The following TRIM2 variants were observed in gnomAD, a reference collection of about 807,000 sequenced individuals.
The protein encoded by TRIM2 is tripartite motif containing 2, also known as tripartite motif-containing protein 2.
TRIM2 carries 20 observed loss-of-function variants against 75.2 expected under a neutral mutation model. The observed-to-expected ratio is 0.27, with a 90% CI of 0.19 to 0.39. The LOEUF (loss-of-function observed/expected upper bound fraction) is 0.39. Among genes scored for constraint, TRIM2 ranks in the 10% least tolerant of loss-of-function variants. The probability of loss-of-function intolerance (pLI) is 1.00; values close to 1 mark genes in which losing one functional copy is unlikely to be tolerated. For missense variants in TRIM2, 660 were observed against 990.8 expected (o/e 0.67, Z 4.48); for synonymous variants, 373 against 388.3 (o/e 0.96, Z 0.46).
At chr4:153,333,740 A>G (rs1771997940) in intron 11 of TRIM2, among the ~76,000 whole-genome samples, 1 of 152,204 alleles carries the variant, frequency 6.6e-6, no homozygotes, top group Non-Finnish European at 1.5e-5. Context: ...GTTAAATACA[A>G]TGATTAAAAA....
intron 6 of TRIM2, among the ~76,000 whole-genome samples, chr4:153,297,566 T>C (rs1212889404): frequency 6.6e-6 from 1 of 152,220 alleles, no homozygotes; most frequent in African/African-American, 2.4e-5. Context: ...TTATCCCTAC[T>C]ACCTTTTCTT....
intron 1 of TRIM2, chr4:153,257,648 A>G (rs72965078): frequency 0.012 from 14,845 of 1,226,802 alleles, 214 homozygotes; most frequent in African/African-American, 0.07. Flanking sequence ...GTGCTTCCCA[A>G]CTTGAAGTGT....
At chr4:153,195,187 A>C (rs1366826425) in intron 1 of TRIM2, among the ~76,000 whole-genome samples, 1 of 152,202 alleles carries the variant, frequency 6.6e-6, no homozygotes, top group Non-Finnish European at 1.5e-5. Flanking sequence ...GTGAAGACAG[A>C]GACAGAGACG....
chr4:153,296,687 G>A (rs1310585911), intron 6 of TRIM2, among the ~76,000 whole-genome samples: 1 of 152,224 alleles, frequency 6.6e-6, no homozygotes, highest in East Asian at 1.9e-4. Context: ...AGTTAGGAAT[G>A]CAAATAGCCC....
chr4:153,275,680 T>C (rs1191827883), intron 2 of TRIM2, among the ~76,000 whole-genome samples: 1 of 152,218 alleles, frequency 6.6e-6, no homozygotes, highest in Non-Finnish European at 1.5e-5. Flanking sequence ...CAAAAGTCAA[T>C]GACATTTTTT....
chr4:153,308,398 T>G lies in TRIM2; in HGVS notation c.1511-7087T>G, dbSNP rs541648661. On this transcript the variant is annotated intron_variant, in intron 6 of 11. Coordinates refer to ENST00000338700, the MANE Select transcript of TRIM2 (RefSeq NM_015271.5). ...ATCTCAATGAGGGAGTCCTTGTTGG[T>G]TCCCAGCCCCTTCATGGAAGATTTT... 5 of 885,104 alleles carry G rather than the reference T, an allele frequency of 5.6e-6. No homozygotes were observed. In the African/African-American group the frequency reaches 6.6e-5, roughly 12 times the overall value. The allele number at this position is 885,104 out of a possible 1,614,324, so 54.8% of individuals were successfully genotyped here.
chr4:153,207,282 T>A (rs1365415064), intron 1 of TRIM2, among the ~76,000 whole-genome samples: 1 of 152,148 alleles, frequency 6.6e-6, no homozygotes, highest in African/African-American at 2.4e-5. Context: ...GCCTATGCGG[T>A]GCGGTGGCCG....
chr4:153,236,157 C>T (rs1279135227), intron 1 of TRIM2, among the ~76,000 whole-genome samples: 1 of 152,066 alleles, frequency 6.6e-6, no homozygotes, highest in Admixed American at 6.5e-5. Flanking sequence ...TGTAAGTTTA[C>T]TGAGGCCTTC....
chr4:153,246,629 G>A (rs1749226446), intron 1 of TRIM2, among the ~76,000 whole-genome samples: 1 of 152,202 alleles, frequency 6.6e-6, no homozygotes, highest in African/African-American at 2.4e-5. Flanking sequence ...TTAAAAATCT[G>A]TTGAATGAAG....
At chr4:153,153,258 C>A (rs1303420291) in exon 1 of TRIM2, 1 of 152,360 alleles carries the variant, frequency 6.6e-6, no homozygotes, top group South Asian at 2.1e-4. Context: ...CGCTTCGGGA[C>A]GCAATTGGAA....
intron 1 of TRIM2, among the ~76,000 whole-genome samples, chr4:153,154,233 A>C (rs1333570546): frequency 6.6e-6 from 1 of 152,174 alleles, no homozygotes; most frequent in Admixed American, 6.5e-5. Flanking sequence ...TGAGGCCCAA[A>C]TATGTGATAC....
chr4:153,163,244 G>T lies in TRIM2; in HGVS notation c.-49+9974G>T, dbSNP rs1389270863. On this transcript the variant is annotated intron_variant, in intron 1 of 11. Transcript: ENST00000437508. ...TCTGTTGCCCAGGCTGGAGTGCAGG[G>T]GCGCAATCTTGGCCCACTACAGCCT... 2.0e-5 allele frequency among the ~76,000 whole-genome samples: 3 copies of T among 152,018 alleles called. No homozygotes were observed. The East Asian group carries it at 5.8e-4, about 29-fold the overall frequency.
At chr4:153,268,214 G>A (rs181775588) in intron 1 of TRIM2, among the ~76,000 whole-genome samples, 181 of 152,306 alleles carry the variant, frequency 1.2e-3, no homozygotes, top group African/African-American at 4.3e-3. Flanking sequence ...TTTTGTTATC[G>A]CGAAGAGCAA....
rs537852316 is a variant in TRIM2 at position 153,305,234 on chromosome 4, C to T, written c.1510+9198C>T. Among the ~76,000 whole-genome samples, 3 of 152,288 alleles carry T rather than the reference C, an allele frequency of 2.0e-5. No homozygotes were observed. The South Asian group carries it at 6.2e-4, about 32-fold the overall frequency. On this transcript the variant is annotated intron_variant, in intron 6 of 11. Transcript: ENST00000338700. ...TATCTGTGCAATTTTTGGTAAGTTGCTTAGCCTCTCAGTGCCTCGGTTTCC... is the reference window on the plus strand; with the variant it reads ...TATCTGTGCAATTTTTGGTAAGTTGTTTAGCCTCTCAGTGCCTCGGTTTCC...
At chr4:153,184,236 G>A (rs1439114736) in intron 1 of TRIM2, among the ~76,000 whole-genome samples, 6 of 152,106 alleles carry the variant, frequency 3.9e-5, no homozygotes, top group Non-Finnish European at 8.8e-5. Flanking sequence ...GCTGGAAGTC[G>A]AAGGTCAGGG....
rs1193259220 is a variant in TRIM2, at chr4:153,244,194, TCTC to T, written c.31-26135_31-26133del. 1.2e-3 allele frequency among the ~76,000 whole-genome samples: 164 copies of T among 138,936 alleles called. 3 individuals carry two copies. The Middle Eastern group carries it at 0.025, about 21-fold the overall frequency. 91.1% of individuals were successfully genotyped at this position (138,936 alleles called of 152,430 possible). A position where few individuals can be genotyped will look rare whatever the true frequency, so the allele number is the denominator to read the frequency against. Reference sequence around the variant, plus strand: ...TTCTTCTTCTTCTCCTCCTTCTTCTTCTCCTCCTTTTCCTTCTCCTTCCTCTTC... The same window carrying T: ...TTCTTCTTCTTCTCCTCCTTCTTCTTCTCCTTTTCCTTCTCCTTCCTCTTC... On this transcript the variant is annotated intron_variant, in intron 1 of 11. Transcript: ENST00000338700.
At chr4:153,196,366 G>A (rs530608211) in intron 1 of TRIM2, among the ~76,000 whole-genome samples, 28 of 152,214 alleles carry the variant, frequency 1.8e-4, no homozygotes, top group African/African-American at 6.7e-4. Flanking sequence ...GAGCCCAGGA[G>A]GTCAAGGCTG....
At chr4:153,183,157 C>G (rs992707290) in intron 1 of TRIM2, among the ~76,000 whole-genome samples, 5 of 152,224 alleles carry the variant, frequency 3.3e-5, no homozygotes, top group African/African-American at 1.2e-4. Flanking sequence ...TCCTCCAAGG[C>G]CTCTCATGTC....
In TRIM2 at chr4:153,212,843, G is replaced by A. The variant is rs147777970; in HGVS notation, c.30+8283G>A. Among the ~76,000 whole-genome samples the A allele has an allele frequency of 2.1e-3, 320 of 152,224 alleles. 2 individuals are homozygous for A. The highest frequency in any genetic ancestry group is 7.3e-3 in the African/African-American group (303 of 41,526). ...AATCAAAGCAGTCTGTTCTGGTACT[G>A]CAGTGAAACAACTCTTTCCAGTTCC... On this transcript the variant is annotated intron_variant, in intron 1 of 11. Transcript: ENST00000338700.
Sources: allele counts gnomAD v4.1 joint callset (sites outside exome capture counted in the v4.1 genomes callset), GRCh38; gene constraint gnomAD v4.1.1; transcripts MANE v1.5; gene names NCBI Gene and HGNC (gene_info 2026-07-23, HGNC 2026-07-21).